Variants in KCNAB2 observed in about 807,000 individuals in gnomAD.
The protein encoded by KCNAB2 is voltage-gated potassium channel subunit beta-2.
A neutral mutation model predicts 63.6 loss-of-function variants in KCNAB2; 29 were observed. That is an observed-to-expected ratio of 0.46 (90% confidence interval 0.34 to 0.62). The LOEUF (loss-of-function observed/expected upper bound fraction) is 0.62, where lower values mean the gene tolerates loss of function less well. Among genes scored for constraint, KCNAB2 ranks in the 20% least tolerant of loss-of-function variants. KCNAB2 has a pLI of 0.01. For synonymous variants in KCNAB2, 222 were observed against 224.2 expected (o/e 0.99, Z 0.09); for missense variants, 359 against 563.9 (o/e 0.64, Z 3.68).
rs140571441 is a variant in KCNAB2 at position 6,096,182 on chromosome 1, G to A, written c.949-454G>A. ...TCCAGGGCAACGTGGCCTGGCCCCCGACTCCTCCCATCCCATGGCAAGGTC... is the reference window on the plus strand; with the variant it reads ...TCCAGGGCAACGTGGCCTGGCCCCCAACTCCTCCCATCCCATGGCAAGGTC... On this transcript the variant is annotated intron_variant, in intron 13 of 15. Transcript: ENST00000378083. The surrounding 1 kb of genome is among the most constrained non-coding windows in gnomAD (Gnocchi z 5.9). 955 of 457,522 alleles carry A rather than the reference G, an allele frequency of 2.1e-3. 14 individuals are homozygous for A. The highest frequency in any genetic ancestry group is 0.017 in the African/African-American group (857 of 50,166). The allele number at this position is 457,522 out of a possible 1,614,324, so 28.3% of individuals were successfully genotyped here.
At chr1:6,009,931 C>T (rs1279993021) in intron 1 of KCNAB2, among the ~76,000 whole-genome samples, 1 of 150,644 alleles carries the variant, frequency 6.6e-6, no homozygotes, top group African/African-American at 2.4e-5. Context: ...AATGCAGTGG[C>T]GCAATCTTAT....
At position 6,094,411 on chromosome 1, in the gene KCNAB2, G is replaced by A; in HGVS notation, c.658G>A (p.Ala220Thr). The change falls in exon 11 of 16, where the codon GCC (alanine) becomes ACC (threonine). Residue 220 changes from alanine (A) to threonine (T), a missense_variant. By Grantham distance (58) the Ala-to-Thr change is moderately conservative. Around this residue, in one of 2 missense-constraint regions of KCNAB2, gnomAD observed 271 missense variants for 476.1 expected, o/e 0.57. Transcript: ENST00000378083. ...TTCTCTCACGACAGAGACCGTCCGC[G>A]CCATGACCCACGTCATCAACCAGGG... Reference protein sequence around the residue: ...RTFIIEETVRAMTHVINQGMA... With the variant: ...RTFIIEETVRTMTHVINQGMA... 2.5e-6 allele frequency: 4 copies of A among 1,610,240 alleles called. No individual in the cohort carries two copies. The highest frequency in any genetic ancestry group is 3.4e-6 in the Non-Finnish European group (4 of 1,178,824).
chr1:6,084,807 T>C (rs1329362034), intron 5 of KCNAB2, among the ~76,000 whole-genome samples: 1 of 147,498 alleles, frequency 6.8e-6, no homozygotes, highest in African/African-American at 2.6e-5. Flanking sequence ...GAGACTCCAT[T>C]TCAAAAAAAA....
At chr1:6,017,985 C>T (rs1046930663) in intron 1 of KCNAB2, among the ~76,000 whole-genome samples, 1 of 152,168 alleles carries the variant, frequency 6.6e-6, no homozygotes, top group African/African-American at 2.4e-5. Context: ...TGATCATAGG[C>T]GACTGCAGCC....
At chr1:5,996,697 T>C (rs1257250788) in intron 1 of KCNAB2, among the ~76,000 whole-genome samples, 2 of 152,204 alleles carry the variant, frequency 1.3e-5, no homozygotes, top group African/African-American at 2.4e-5. Context: ...AGGGGAAAAG[T>C]GGAGAAATGG....
chr1:5,996,681 G>A (rs1656957571), intron 1 of KCNAB2, among the ~76,000 whole-genome samples: 1 of 152,230 alleles, frequency 6.6e-6, no homozygotes, highest in African/African-American at 2.4e-5. Flanking sequence ...AAACAGGATT[G>A]GGAAAAGGGG....
intron 6 of KCNAB2, 128 bp downstream of exon 6, chr1:6,085,376 G>A: frequency 1.2e-6 from 1 of 820,314 alleles, no homozygotes; most frequent in South Asian, 1.5e-5. Context: ...TTGCTGGGAA[G>A]TGGAGAGGAA....
chr1:6,055,454 C>G (rs1661738115), intron 2 of KCNAB2, among the ~76,000 whole-genome samples: 1 of 149,656 alleles, frequency 6.7e-6, no homozygotes, highest in African/African-American at 2.5e-5. Flanking sequence ...CTCCCAGGTT[C>G]AAGCGATTCT....
rs1663865590 is a variant in KCNAB2 at position 6,078,310 on chromosome 1, A to G, written c.301-3885A>G. ...AGCCAGGACATTCTCCCCACTGCAG[A>G]GTACTCACGTTAATCCCATCTGCAA... On this transcript the variant is annotated intron_variant, in intron 4 of 15. Transcript: ENST00000378083. This position sits in a 1 kb window ranked among gnomAD's most constrained non-coding sequence, Gnocchi z 4.2. Among the ~76,000 whole-genome samples the G allele has an allele frequency of 6.6e-6, 1 of 152,244 alleles. No homozygotes were observed. Among genetic ancestry groups the G allele is most frequent in the Admixed American group, 6.5e-5 (1 of 15,288 alleles).
At chr1:6,063,595 GA>G (rs1662503908) in intron 2 of KCNAB2, among the ~76,000 whole-genome samples, 1 of 151,850 alleles carries the variant, frequency 6.6e-6, no homozygotes, top group South Asian at 2.1e-4. Context: ...ATTTTTAGTA[GA>G]AATGGGGTTT....
intron 1 of KCNAB2, among the ~76,000 whole-genome samples, chr1:6,008,439 G>A (rs894293098): frequency 2.6e-5 from 4 of 152,090 alleles, no homozygotes; most frequent in African/African-American, 7.2e-5. Flanking sequence ...TGGCCAACAC[G>A]GTGAAACCCC....
At chr1:6,043,257 G>A (rs1660651146), upstream of KCNAB2, among the ~76,000 whole-genome samples, 1 of 152,166 alleles carries the variant, frequency 6.6e-6, no homozygotes, top group African/African-American at 2.4e-5. Context: ...AATCCCAGGT[G>A]CAGACCTGCC....
In KCNAB2 at chr1:6,051,630, C is replaced by T; in HGVS notation, c.94C>T (p.Leu32=). 6.5e-7 allele frequency: 1 copy of T among 1,534,672 alleles called. No homozygotes were observed. Among genetic ancestry groups the T allele is most frequent in the Non-Finnish European group, 8.7e-7 (1 of 1,146,694 alleles). The change falls in exon 2 of 16, where the codon CTG becomes TTG. Residue 32 remains leucine (L), a synonymous_variant. Coordinates refer to ENST00000378083, the MANE Select transcript of KCNAB2 (RefSeq NM_001199862.2). ...ALHPVRQTDT[L]ELQRLREVRA... is the part of the protein sequence containing the mutation. ...GCACCCCGTCCGCCAGACGGACACG[C>T]TGGAACTGCAGCGGCTGCGGGAGGT...
Position 6,077,774 on chromosome 1 carries a change from G to A in KCNAB2, c.300+4004G>A, listed in dbSNP as rs925212825. ...CAGGCTTGCGGAGCCCCTGCCTAGCGCCAGCTCCCTGCCTGCTTCCAGCCT... is the reference window on the plus strand; with the variant it reads ...CAGGCTTGCGGAGCCCCTGCCTAGCACCAGCTCCCTGCCTGCTTCCAGCCT... On this transcript the variant is annotated intron_variant, in intron 4 of 15. Coordinates refer to ENST00000378083, the MANE Select transcript of KCNAB2 (RefSeq NM_001199862.2). 2.0e-5 allele frequency among the ~76,000 whole-genome samples: 3 copies of A among 152,172 alleles called. 1 individual carries two copies. The highest frequency in any genetic ancestry group is 2.9e-5 in the Non-Finnish European group (2 of 68,004).
At chr1:6,097,163 C>T (rs1302263332) in intron 14 of KCNAB2, 106 bp from the exon 15 acceptor site, 31 of 1,317,266 alleles carry the variant, frequency 2.4e-5, no homozygotes, top group Non-Finnish European at 3.1e-5. Flanking sequence ...CCCTCAGACC[C>T]CCAGACCAAG....
At position 6,078,444 on chromosome 1, in the gene KCNAB2, G is replaced by A. The variant is rs1156732749; in HGVS notation, c.301-3751G>A. ...GAAGAAAGTAGAAAAAGGAGGGCAG[G>A]GGGGCGGGGGTCCTGACGACAGGGT... On this transcript the variant is annotated intron_variant, in intron 4 of 15. Transcript: ENST00000378083. The surrounding 1 kb of genome is among the most constrained non-coding windows in gnomAD (Gnocchi z 4.2). 1.3e-5 allele frequency among the ~76,000 whole-genome samples: 2 copies of A among 152,154 alleles called. No individual in the cohort carries two copies. Among genetic ancestry groups the A allele is most frequent in the Non-Finnish European group, 2.9e-5 (2 of 68,026 alleles).
rs7536116 is a variant in KCNAB2 at position 6,018,464 on chromosome 1, G to A, written c.-52-22053G>A. On this transcript the variant is annotated intron_variant, in intron 1 of 16. Coordinates refer to the KCNAB2 transcript ENST00000341524. The stretch of plus-strand genomic sequence containing the variant: ...TCTGGGGGTGATAAGGTTTAGATAA[G>A]CTCAGGTCTTGCTCTGTTGCCCAGG... 7.6e-3 allele frequency among the ~76,000 whole-genome samples: 1,157 copies of A among 151,852 alleles called. 14 individuals are homozygous for A. Among genetic ancestry groups the A allele is most frequent in the African/African-American group, 0.027 (1,113 of 41,414 alleles).
rs1053700761 is a variant in KCNAB2, at chr1:6,082,180, G to A, written c.301-15G>A. ...ACCCCCGGCTGGCAGGACAGTGTCG[G>A]TTTTCTCGTTTCAGATGGCAGAGCA... On this transcript the variant is annotated splice_polypyrimidine_tract_variant and intron_variant, in intron 4 of 15. Coordinates refer to ENST00000378083, the MANE Select transcript of KCNAB2 (RefSeq NM_001199862.2). 1 of 1,612,342 alleles carries A rather than the reference G, an allele frequency of 6.2e-7. No individual in the cohort carries two copies. Among genetic ancestry groups the A allele is most frequent in the Non-Finnish European group, 8.5e-7 (1 of 1,178,486 alleles).
upstream of KCNAB2, among the ~76,000 whole-genome samples, chr1:6,031,688 A>G (rs1356430089): frequency 6.6e-6 from 1 of 151,300 alleles, no homozygotes; most frequent in Non-Finnish European, 1.5e-5. This position sits in a 1 kb window ranked among gnomAD's most constrained non-coding sequence, Gnocchi z 4.1. Context: ...GGAGTTTGAG[A>G]CCAGCCTGGG....
Sources: gnomAD v4.1 joint callset for allele counts (sites outside exome capture counted in the v4.1 genomes callset) on GRCh38, gnomAD v4.1.1 for gene constraint, gnomAD v4.1.1 regional missense constraint, Gnocchi (gnomAD v3.1) non-coding constraint, MANE v1.5 for transcripts, NCBI Gene and HGNC (gene_info 2026-07-23, HGNC 2026-07-21) for gene names.